Variants in NBEA observed in about 807,000 individuals in gnomAD.
NBEA encodes neurobeachin.
A neutral mutation model predicts 343.4 loss-of-function variants in NBEA; 44 were observed. That is an observed-to-expected ratio of 0.13 (90% confidence interval 0.10 to 0.16). The LOEUF is 0.16. Ranked by LOEUF, NBEA falls within the 10% of genes least tolerant of loss-of-function variation. The pLI, the probability that NBEA is intolerant of heterozygous loss-of-function variation, is 1.00. For synonymous variants in NBEA, 1,175 were observed against 1,238.7 expected (o/e 0.95, Z 1.08); for missense variants, 2,555 against 3,631.3 (o/e 0.70, Z 7.62).
intron 43 of NBEA, among the ~76,000 whole-genome samples, chr13:35,553,895 G>C (rs1424573966): frequency 1.3e-4 from 20 of 152,072 alleles, no homozygotes; most frequent in Admixed American, 1.3e-3. Context: ...TGATTAGATA[G>C]GGCTGCATCT....
intron 35 of NBEA, among the ~76,000 whole-genome samples, chr13:35,298,205 GTGTGTGTATA>G (rs1455209554): frequency 2.1e-4 from 3 of 14,536 alleles, no homozygotes; most frequent in South Asian, 7.6e-3. Flanking sequence ...GTGTGTGTGT[GTGTGTGTATA>G]TATATATATA....
chr13:35,331,498 A>G (rs117724061), intron 36 of NBEA, among the ~76,000 whole-genome samples: 5,405 of 152,146 alleles, frequency 0.036, 121 homozygotes, highest in Non-Finnish European at 0.045. Context: ...TGTAATCTAT[A>G]TATAATGAAA....
chr13:35,559,336 C>T (rs889230668), intron 44 of NBEA, among the ~76,000 whole-genome samples: 2 of 152,096 alleles, frequency 1.3e-5, no homozygotes, highest in Admixed American at 6.5e-5. Flanking sequence ...ATCACTTTAA[C>T]GAACACGGGT....
chr13:35,546,688 G>T (rs1254964331), intron 41 of NBEA, among the ~76,000 whole-genome samples: 5 of 151,834 alleles, frequency 3.3e-5, no homozygotes, highest in Non-Finnish European at 7.4e-5. Flanking sequence ...AAGTAGCTGG[G>T]ATTACAGGCA....
At chr13:35,423,276 G>GT (rs2044420013) in intron 38 of NBEA, among the ~76,000 whole-genome samples, 1 of 152,154 alleles carries the variant, frequency 6.6e-6, no homozygotes, top group Non-Finnish European at 1.5e-5. Context: ...GGATTTTATG[G>GT]TTTTAGGTCT....
intron 55 of NBEA, among the ~76,000 whole-genome samples, chr13:35,657,373 A>G (rs553970764): frequency 1.9e-4 from 29 of 152,318 alleles, no homozygotes; most frequent in African/African-American, 6.7e-4. Flanking sequence ...AAGATATTCA[A>G]TGTTGCTTGA....
intron 1 of NBEA, among the ~76,000 whole-genome samples, chr13:34,959,029 T>G (rs912058345): frequency 1.3e-5 from 2 of 152,102 alleles, no homozygotes; most frequent in African/African-American, 4.8e-5. Context: ...TGAGTTACAG[T>G]TTTCCATTAA....
At chr13:35,254,809 T>C (rs1566525646) in intron 34 of NBEA, among the ~76,000 whole-genome samples, 2 of 152,212 alleles carry the variant, frequency 1.3e-5, no homozygotes, top group East Asian at 3.9e-4. Context: ...ATATACCTCA[T>C]TGTTATATCC....
At chr13:35,449,606 G>T (rs1212586760) in intron 39 of NBEA, among the ~76,000 whole-genome samples, 1 of 152,126 alleles carries the variant, frequency 6.6e-6, no homozygotes, top group Non-Finnish European at 1.5e-5. Flanking sequence ...ATTTCTGTTT[G>T]CCAAGAAGCA....
At chr13:35,040,643 A>T (rs1377447016) in intron 1 of NBEA, among the ~76,000 whole-genome samples, 1 of 151,938 alleles carries the variant, frequency 6.6e-6, no homozygotes, top group Admixed American at 6.6e-5. Context: ...CTTTTTAGGA[A>T]TTTTTCCTGA....
chr13:35,097,621 A>G (rs1426387987), intron 10 of NBEA, among the ~76,000 whole-genome samples: 2 of 151,944 alleles, frequency 1.3e-5, no homozygotes, highest in Non-Finnish European at 2.9e-5. Context: ...TTGTTTCTTC[A>G]TTGATTCCAA....
chr13:35,046,669 A>G (rs1381112834), intron 4 of NBEA, among the ~76,000 whole-genome samples: 1 of 152,160 alleles, frequency 6.6e-6, no homozygotes, highest in Non-Finnish European at 1.5e-5. Flanking sequence ...TATAACAATT[A>G]TAGCAATATA....
chr13:35,067,231 T>C (rs184975875), intron 8 of NBEA, among the ~76,000 whole-genome samples: 1 of 152,256 alleles, frequency 6.6e-6, no homozygotes, highest in Non-Finnish European at 1.5e-5. Context: ...TGATTTATCA[T>C]TTATGAATCT....
chr13:35,348,178 G>A (rs908229301), intron 36 of NBEA, among the ~76,000 whole-genome samples: 1 of 152,082 alleles, frequency 6.6e-6, no homozygotes, highest in Non-Finnish European at 1.5e-5. Flanking sequence ...AGTAATCTCT[G>A]CCACATGTTA....
At chr13:35,441,238 A>G (rs1193723409) in intron 39 of NBEA, among the ~76,000 whole-genome samples, 1 of 152,140 alleles carries the variant, frequency 6.6e-6, no homozygotes, top group Non-Finnish European at 1.5e-5. Flanking sequence ...GAAGACACCA[A>G]GCCTCTCATG....
At chr13:35,664,923 C>G (rs1357279602) in intron 55 of NBEA, among the ~76,000 whole-genome samples, 162 bp from the exon 56 acceptor site, 1 of 152,238 alleles carries the variant, frequency 6.6e-6, no homozygotes, top group Non-Finnish European at 1.5e-5. Context: ...GCGCATTTCA[C>G]AAAAGAGGAG....
intron 42 of NBEA, 64 bp from the exon 43 acceptor site, chr13:35,550,866 G>A: frequency 9.8e-7 from 1 of 1,018,454 alleles, no homozygotes; most frequent in Non-Finnish European, 1.5e-6. Context: ...AAGATGACTT[G>A]TAAAATTGAT....
chr13:35,441,983 T>C (rs1441414120), intron 39 of NBEA, among the ~76,000 whole-genome samples: 1 of 152,148 alleles, frequency 6.6e-6, no homozygotes. Flanking sequence ...TGCTGCTCAC[T>C]AGCCATCTAC....
At chr13:35,005,137 T>A (rs973971678) in intron 1 of NBEA, among the ~76,000 whole-genome samples, 6 of 152,176 alleles carry the variant, frequency 3.9e-5, no homozygotes, top group Non-Finnish European at 2.9e-5. Context: ...TGTATTAGCA[T>A]TTGTTCTGGA....
Sources: allele counts gnomAD v4.1 joint callset (sites outside exome capture counted in the v4.1 genomes callset), GRCh38; gene constraint gnomAD v4.1.1; transcripts MANE v1.5; gene names NCBI Gene and HGNC (gene_info 2026-07-23, HGNC 2026-07-21).